LRRC1: variants seen among roughly 807,000 people sequenced by gnomAD.
The protein encoded by LRRC1 is leucine rich repeat containing 1, also known as leucine-rich repeat-containing protein 1.
LRRC1 carries 28 observed loss-of-function variants against 69.9 expected under a neutral mutation model. That is an observed-to-expected ratio of 0.40 (90% CI 0.30 to 0.55). LRRC1 has a LOEUF of 0.55. LRRC1 is among the 20% of genes least tolerant of loss of function. The pLI, the probability that LRRC1 is intolerant of heterozygous loss-of-function variation, is 0.47. For synonymous variants in LRRC1, 236 were observed against 240.2 expected, an observed-to-expected ratio of 0.98 and a Z score of 0.16; for missense variants, 498 against 609.0, an observed-to-expected ratio of 0.82 and a Z score of 1.92.
intron 2 of LRRC1, among the ~76,000 whole-genome samples, chr6:53,850,107 T>C (rs899751464): frequency 2.0e-5 from 3 of 151,026 alleles, no homozygotes; most frequent in African/African-American, 7.3e-5. Context: ...GAGTACTTAC[T>C]AAATGTAAGG....
chr6:53,886,107 C>T (rs1055725413), intron 4 of LRRC1, among the ~76,000 whole-genome samples: 6 of 152,138 alleles, frequency 3.9e-5, no homozygotes, highest in African/African-American at 1.4e-4. Context: ...GGAAAGAATG[C>T]ATATTTTTAT....
chr6:53,803,282 G>A (rs571335253), intron 1 of LRRC1, among the ~76,000 whole-genome samples: 1 of 152,322 alleles, frequency 6.6e-6, no homozygotes, highest in African/African-American at 2.4e-5. Context: ...GGAATGAGAT[G>A]TCGTGTTCTT....
intron 11 of LRRC1, among the ~76,000 whole-genome samples, chr6:53,915,190 G>A (rs1413148300): frequency 1.3e-5 from 2 of 152,142 alleles, no homozygotes; most frequent in African/African-American, 4.8e-5. Flanking sequence ...GAGTGTTTGG[G>A]AGGCTGTCTC....
At chr6:53,832,283 G>C (rs1765449265) in intron 1 of LRRC1, among the ~76,000 whole-genome samples, 1 of 151,914 alleles carries the variant, frequency 6.6e-6, no homozygotes, top group African/African-American at 2.4e-5. Context: ...TTTAATTATT[G>C]ATCCACCTCT....
At chr6:53,823,705 T>C (rs1038928253) in intron 1 of LRRC1, among the ~76,000 whole-genome samples, 1 of 152,178 alleles carries the variant, frequency 6.6e-6, no homozygotes, top group African/African-American at 2.4e-5. Flanking sequence ...TGTGTGTCCA[T>C]ATGTTCCCCT....
chr6:53,918,475 TTAAAG>T (rs2127442818), intron 11 of LRRC1, among the ~76,000 whole-genome samples: 1 of 152,358 alleles, frequency 6.6e-6, no homozygotes, highest in Admixed American at 6.5e-5. Context: ...ACTTCTTTTA[TTAAAG>T]TAATTTAACC....
At chr6:53,890,385 T>C (rs975278420) in intron 4 of LRRC1, among the ~76,000 whole-genome samples, 1 of 152,198 alleles carries the variant, frequency 6.6e-6, no homozygotes, top group Admixed American at 6.5e-5. Flanking sequence ...CCCTAGGTTC[T>C]CTGGCAGATT....
intron 1 of LRRC1, among the ~76,000 whole-genome samples, chr6:53,809,730 T>G (rs1764737115): frequency 6.6e-6 from 1 of 152,244 alleles, no homozygotes; most frequent in African/African-American, 2.4e-5. Flanking sequence ...TTCAATTCAC[T>G]GGTAGTTTCC....
intron 2 of LRRC1, among the ~76,000 whole-genome samples, chr6:53,849,355 C>G (rs929968381): frequency 1.3e-5 from 2 of 152,166 alleles, no homozygotes; most frequent in South Asian, 4.1e-4. Flanking sequence ...AATGGTTTCT[C>G]CTGAAATAAA....
intron 4 of LRRC1, chr6:53,884,288 T>A (rs1368718617): frequency 2.7e-6 from 1 of 376,562 alleles, no homozygotes; most frequent in Non-Finnish European, 4.8e-6. Context: ...GAGGATTCCT[T>A]GAGCCCAGGA....
At position 53,922,837 on chromosome 6, in the gene LRRC1, C is replaced by T. The variant is rs564174721; in HGVS notation, c.*44C>T. Reference sequence around the variant, plus strand: ...TACCTCCTGTGTCTTCCTCTGCTGTCGAGACGTTCCTGTCTGCTTCCCGGG... The same window carrying T: ...TACCTCCTGTGTCTTCCTCTGCTGTTGAGACGTTCCTGTCTGCTTCCCGGG... On this transcript the variant is annotated 3_prime_UTR_variant, in exon 14 of 14. Coordinates refer to ENST00000370888, the MANE Select transcript of LRRC1 (RefSeq NM_018214.5). 8.8e-6 allele frequency: 14 copies of T among 1,583,626 alleles called. 1 individual carries two copies. In the South Asian group the frequency reaches 9.1e-5, roughly 10 times the overall value.
intron 4 of LRRC1, among the ~76,000 whole-genome samples, chr6:53,890,909 ATTTTC>A (rs1767658473): frequency 6.6e-6 from 1 of 152,116 alleles, no homozygotes; most frequent in African/African-American, 2.4e-5. Context: ...TTTACTCTTT[ATTTTC>A]TTAATGATTT....
At chr6:53,889,827 A>G (rs762243941) in intron 4 of LRRC1, among the ~76,000 whole-genome samples, 6 of 152,200 alleles carry the variant, frequency 3.9e-5, no homozygotes, top group East Asian at 1.9e-4. Context: ...ACCTTAGGCA[A>G]ATTTGAAGCT....
chr6:53,839,841 G>C (rs1219076774), intron 1 of LRRC1, among the ~76,000 whole-genome samples: 1 of 151,876 alleles, frequency 6.6e-6, no homozygotes, highest in Non-Finnish European at 1.5e-5. Flanking sequence ...TGCTTGCTTT[G>C]TTTTCTTTAT....
At chr6:53,830,140 A>G (rs1041816351) in intron 1 of LRRC1, among the ~76,000 whole-genome samples, 1 of 152,228 alleles carries the variant, frequency 6.6e-6, no homozygotes, top group Non-Finnish European at 1.5e-5. Context: ...ACTACCCAAC[A>G]TTTCTGCACA....
intron 2 of LRRC1, among the ~76,000 whole-genome samples, chr6:53,876,965 C>T (rs1446373346): frequency 1.3e-5 from 2 of 152,196 alleles, no homozygotes; most frequent in African/African-American, 4.8e-5. Flanking sequence ...TGTGTGGGTG[C>T]TCCAACCCCT....
chr6:53,804,782 T>C (rs984568838), intron 1 of LRRC1, among the ~76,000 whole-genome samples: 2 of 152,256 alleles, frequency 1.3e-5, no homozygotes, highest in African/African-American at 4.8e-5. Flanking sequence ...GCATATTTGC[T>C]GAATCAATGG....
At chr6:53,909,148 C>T (rs1245629428) in intron 10 of LRRC1, among the ~76,000 whole-genome samples, 2 of 152,090 alleles carry the variant, frequency 1.3e-5, no homozygotes, top group Non-Finnish European at 2.9e-5. Context: ...CAAGTGTCCA[C>T]AGAGGCAGCT....
At position 53,922,989 on chromosome 6, in the gene LRRC1, G is replaced by C. The variant is rs1327920650; in HGVS notation, c.*196G>C. ...CCAGTCAGCGCACCAGTGGTCTCCC[G>C]GTGTGATTTTTTTTTTTTTTAATTT... On this transcript the variant is annotated 3_prime_UTR_variant, in exon 14 of 14. Coordinates refer to ENST00000370888, the MANE Select transcript of LRRC1 (RefSeq NM_018214.5). The C allele has an allele frequency of 4.2e-6, 2 of 473,480 alleles. No homozygotes were observed. The highest frequency in any genetic ancestry group is 3.7e-5 in the Admixed American group (1 of 27,346). The allele number at this position is 473,480 out of a possible 1,614,324, so 29.3% of individuals were successfully genotyped here.
Sources: gnomAD v4.1 joint callset for allele counts (sites outside exome capture counted in the v4.1 genomes callset) on GRCh38, gnomAD v4.1.1 for gene constraint, MANE v1.5 for transcripts, NCBI Gene and HGNC (gene_info 2026-07-23, HGNC 2026-07-21) for gene names.